Variants in LUC7L2 observed in about 807,000 individuals in gnomAD.
LUC7L2 encodes the protein LUC7 like 2, pre-mRNA splicing factor.
Under a neutral mutation model 52.8 loss-of-function variants are expected in LUC7L2, and 25 were observed. The observed-to-expected ratio is 0.47, with a 90% CI of 0.34 to 0.66. The LOEUF (loss-of-function observed/expected upper bound fraction) is 0.66. Ranked by LOEUF, LUC7L2 falls within the 30% of genes least tolerant of loss-of-function variation. The pLI is 0.01. For missense variants in LUC7L2, 328 were observed against 497.8 expected (o/e 0.66, Z 3.25); for synonymous variants, 144 against 160.9 (o/e 0.89, Z 0.80).
At chr7:139,412,489 AAC>A in intron 7 of LUC7L2, 60 bp from the exon 8 acceptor site, 2 of 1,530,330 alleles carry the variant, frequency 1.3e-6, no homozygotes, top group South Asian at 2.4e-5. Context: ...AATATAATGT[AAC>A]ACTGCACTGT....
intron 2 of LUC7L2, among the ~76,000 whole-genome samples, chr7:139,390,446 CTCAAACTT>C (rs1352248295): frequency 6.6e-6 from 1 of 151,770 alleles, no homozygotes; most frequent in Non-Finnish European, 1.5e-5. Flanking sequence ...CCAGGCTGGT[CTCAAACTT>C]CTGACCTCAA....
At chr7:139,345,664 A>G (rs771487005) in intron 1 of LUC7L2, 1 of 1,614,206 alleles carries the variant, frequency 6.2e-7, no homozygotes, top group Non-Finnish European at 8.5e-7. Context: ...GTGGGTCTCA[A>G]GTTGCCCCAT....
chr7:139,402,951 C>T (rs6943788), intron 4 of LUC7L2, among the ~76,000 whole-genome samples: 58,401 of 152,140 alleles, frequency 0.38, 15,630 homozygotes, highest in African/African-American at 0.76. Flanking sequence ...CACCCAGCAT[C>T]TCTACCCTTG....
chr7:139,369,711 A>ATTT (rs397751584), intron 1 of LUC7L2, among the ~76,000 whole-genome samples: 3 of 152,040 alleles, frequency 2.0e-5, no homozygotes. Context: ...TAAAAACATT[A>ATTT]ATCTTTGATC....
chr7:139,416,019 AAG>A (rs1157484375), intron 8 of LUC7L2: 3 of 108,170 alleles, frequency 2.8e-5, no homozygotes, highest in Middle Eastern at 5.0e-3. Context: ...ACTTAAATTT[AAG>A]AGTTTTATTG....
intron 9 of LUC7L2, among the ~76,000 whole-genome samples, chr7:139,420,411 C>T (rs1484430886): frequency 4.6e-5 from 7 of 152,138 alleles, no homozygotes; most frequent in Non-Finnish European, 7.4e-5. Context: ...CCATGTTGGC[C>T]GGGCTGGTCT....
intron 2 of LUC7L2, among the ~76,000 whole-genome samples, chr7:139,376,444 GAAATA>G (rs1175031596): frequency 6.6e-6 from 1 of 152,100 alleles, no homozygotes; most frequent in Admixed American, 6.5e-5. Context: ...TTTTAGTTCA[GAAATA>G]AAATAATTTA....
intron 1 of LUC7L2, among the ~76,000 whole-genome samples, chr7:139,364,992 CA>C (rs1569368703): frequency 1.3e-5 from 2 of 152,102 alleles, no homozygotes; most frequent in Admixed American, 1.3e-4. Context: ...TAAATAATAA[CA>C]GGATATTTCT....
At chr7:139,416,088 T>TATATATA (rs1795601739) in intron 8 of LUC7L2, 1 of 135,514 alleles carries the variant, frequency 7.4e-6, no homozygotes, top group Admixed American at 7.9e-5. Flanking sequence ...TATATATATA[T>TATATATA]ATGATTTACT....
chr7:139,367,533 A>G (rs1800224922), intron 1 of LUC7L2, among the ~76,000 whole-genome samples: 1 of 152,190 alleles, frequency 6.6e-6, no homozygotes, highest in Non-Finnish European at 1.5e-5. Flanking sequence ...TGTGATTAAT[A>G]ATTTCCTTAC....
At chr7:139,340,707 T>G in intron 1 of LUC7L2, 1 of 389,468 alleles carries the variant, frequency 2.6e-6, no homozygotes, top group Non-Finnish European at 4.5e-6. Context: ...GAAGCCCCAG[T>G]GGCCTAATGG....
At chr7:139,379,960 G>A (rs997292429) in intron 2 of LUC7L2, among the ~76,000 whole-genome samples, 12 of 152,076 alleles carry the variant, frequency 7.9e-5, no homozygotes, top group African/African-American at 2.9e-4. Context: ...GATCACTTGA[G>A]GTCAGGAGTT....
chr7:139,387,646 C>G (rs530427645), intron 2 of LUC7L2, among the ~76,000 whole-genome samples: 1 of 152,170 alleles, frequency 6.6e-6, no homozygotes, highest in African/African-American at 2.4e-5. Context: ...TTTGTTCCTA[C>G]GCAAAACTTG....
chr7:139,367,580 G>GT (rs1800228063), intron 1 of LUC7L2, among the ~76,000 whole-genome samples: 1 of 152,136 alleles, frequency 6.6e-6, no homozygotes, highest in Non-Finnish European at 1.5e-5. Context: ...GCAAAATCAT[G>GT]TAACACCTAA....
At chr7:139,421,358 A>G (rs1431242228) in intron 9 of LUC7L2, among the ~76,000 whole-genome samples, 2 of 152,184 alleles carry the variant, frequency 1.3e-5, no homozygotes, top group South Asian at 4.1e-4. Flanking sequence ...AATTTGTTGA[A>G]TTTTAGATGT....
intron 1 of LUC7L2, chr7:139,375,641 T>C: frequency 1.0e-6 from 1 of 977,292 alleles, no homozygotes; most frequent in Non-Finnish European, 1.2e-6. Context: ...AATAAAAATA[T>C]ATCAATGCTT....
At chr7:139,349,622 C>CA (rs1563250368) in intron 1 of LUC7L2, among the ~76,000 whole-genome samples, 1 of 151,052 alleles carries the variant, frequency 6.6e-6, no homozygotes, top group Non-Finnish European at 1.5e-5. Flanking sequence ...GCTCCCCCCC[C>CA]CCCCACCGGA....
intron 2 of LUC7L2, among the ~76,000 whole-genome samples, chr7:139,391,278 T>C (rs1347439589): frequency 1.3e-5 from 2 of 152,210 alleles, no homozygotes; most frequent in Non-Finnish European, 2.9e-5. Context: ...GAATATAAAT[T>C]CCATAATAGT....
intron 8 of LUC7L2, 64 bp from the exon 9 acceptor site, chr7:139,417,474 G>C: frequency 6.5e-7 from 1 of 1,548,634 alleles, no homozygotes; most frequent in South Asian, 1.2e-5. Context: ...TAAAGAAAAG[G>C]CTTTAATAAA....
Sources: allele counts gnomAD v4.1 joint callset (sites outside exome capture counted in the v4.1 genomes callset), GRCh38; gene constraint gnomAD v4.1.1; transcripts MANE v1.5; gene names NCBI Gene and HGNC (gene_info 2026-07-23, HGNC 2026-07-21).